The following GLI2 variants were observed in gnomAD, a reference collection of about 807,000 sequenced individuals.
The protein encoded by GLI2 is transcription activator GLI2.
A neutral mutation model predicts 78.9 loss-of-function variants in GLI2; 22 were observed. That is an observed-to-expected ratio of 0.28 (90% CI 0.20 to 0.40). The LOEUF (loss-of-function observed/expected upper bound fraction) is 0.40. Among genes scored for constraint, GLI2 ranks in the 10% least tolerant of loss-of-function variants. The pLI is 1.00. For synonymous variants in GLI2, 974 were observed against 963.7 expected (o/e 1.01, Z -0.20); for missense variants, 2,097 against 2,213.2 (o/e 0.95, Z 1.05).
chr2:120,983,946 G>GGGGGTGTGT (rs112474343), intron 11 of GLI2, among the ~76,000 whole-genome samples: 1 of 143,124 alleles, frequency 7.0e-6, no homozygotes, highest in African/African-American at 2.6e-5. Flanking sequence ...TGGTGTGTGG[G>GGGGGTGTGT]GTGTGTGTGT....
intron 13 of GLI2, 139 bp from the exon 14 acceptor site, chr2:120,988,069 A>G (rs1489952362): frequency 4.9e-5 from 34 of 692,366 alleles, no homozygotes; most frequent in Non-Finnish European, 7.3e-5. Context: ...AGAAAGAGAG[A>G]AAGAAAGCAT....
At position 120,988,797 on chromosome 2, in the gene GLI2, TC is replaced by T; in HGVS notation, c.2834del (p.Pro945GlnfsTer32). The T allele has an allele frequency of 1.4e-6, 2 of 1,385,862 alleles. No homozygotes were observed. The highest frequency in any genetic ancestry group is 3.5e-5 in the East Asian group (1 of 28,504). 85.8% of individuals were successfully genotyped at this position (1,385,862 alleles called of 1,614,324 possible). ...CTGCGCCCGCCTTCCCCCACGAGGCTCCAGGCGGCGGAGCCAGGCGGGCCAG... is the reference window on the plus strand; with the variant it reads ...CTGCGCCCGCCTTCCCCCACGAGGCTCAGGCGGCGGAGCCAGGCGGGCCAG... ...GAAPAFPHEA[P>X]GGGARRASDP... On this transcript the variant is annotated frameshift_variant, in exon 14 of 14. Coordinates refer to ENST00000361492, the MANE Select transcript of GLI2 (RefSeq NM_001374353.1). LOFTEE classifies it low-confidence loss of function (END_TRUNC).
At position 120,990,292 on chromosome 2, in the gene GLI2, C is replaced by T. The variant is rs368316217; in HGVS notation, c.4327C>T (p.Leu1443=). ...CCACATGTACGAACAGGATGGAGGC[C>T]TGGAGAACCTCGGGAGCTGCCAGGT... ...QIHMYEQDGG[L]ENLGSCQVMR... The change falls in exon 14 of 14, where the codon CTG becomes TTG. Residue 1443 remains leucine, a synonymous_variant. Coordinates refer to ENST00000361492, the MANE Select transcript of GLI2 (RefSeq NM_001374353.1). 1.2e-5 allele frequency: 19 copies of T among 1,613,632 alleles called. No individual in the cohort carries two copies. The African/African-American group carries it at 2.3e-4, about 19-fold the overall frequency.
Position 120,928,222 on chromosome 2 carries a change from G to A in GLI2, c.254+756G>A, listed in dbSNP as rs1012060681. On this transcript the variant is annotated intron_variant, in intron 3 of 13. Transcript: ENST00000361492. Reference sequence around the variant, plus strand: ...GTCAGCCAGCCCCAAGACCCCTCTCGACCCAGCATCTTCATGCCCACACCC... The same window carrying A: ...GTCAGCCAGCCCCAAGACCCCTCTCAACCCAGCATCTTCATGCCCACACCC... Among the ~76,000 whole-genome samples the A allele has an allele frequency of 7.9e-5, 12 of 152,048 alleles. No individual in the cohort carries two copies. In the South Asian group the frequency reaches 1.3e-3, roughly 16 times the overall value.
chr2:120,830,858 G>T (rs1197886064), intron 2 of GLI2, among the ~76,000 whole-genome samples: 1 of 151,776 alleles, frequency 6.6e-6, no homozygotes, highest in Non-Finnish European at 1.5e-5. Context: ...CTGTTTCTTT[G>T]TCTGTCCCTC....
chr2:120,747,013 T>C (rs1470817038), intron 1 of GLI2, among the ~76,000 whole-genome samples: 1 of 152,254 alleles, frequency 6.6e-6, no homozygotes, highest in Non-Finnish European at 1.5e-5. Flanking sequence ...CCATTGGGCA[T>C]TTAGACTGTT....
intron 2 of GLI2, among the ~76,000 whole-genome samples, chr2:120,912,933 G>A (rs1024888489): frequency 2.6e-5 from 4 of 152,166 alleles, no homozygotes; most frequent in East Asian, 1.9e-4. Context: ...GCGGGGCACC[G>A]GCCTCACCCA....
intron 1 of GLI2, among the ~76,000 whole-genome samples, chr2:120,778,816 C>T (rs1558791741): frequency 6.6e-6 from 1 of 152,220 alleles, no homozygotes; most frequent in East Asian, 1.9e-4. Context: ...CTTGCAAATA[C>T]AAGAGGCTTT....
At chr2:120,845,918 T>C (rs1397345242) in intron 2 of GLI2, among the ~76,000 whole-genome samples, 1 of 152,192 alleles carries the variant, frequency 6.6e-6, no homozygotes, top group Admixed American at 6.5e-5. Context: ...ACAACAACCC[T>C]TTCCAATTTA....
rs549465375 is a variant in GLI2 at position 120,956,557 on chromosome 2, A to G, written c.643+1127A>G. Among the ~76,000 whole-genome samples the G allele has an allele frequency of 5.3e-5, 8 of 152,220 alleles. No homozygotes were observed. In the South Asian group the frequency reaches 1.5e-3, roughly 28 times the overall value. The stretch of plus-strand genomic sequence containing the variant: ...CCCCAGTCAGCGCCACTCCGCCTGC[A>G]GGTCCTGGAGCCCTGGCCAGCGGCA... On this transcript the variant is annotated intron_variant, in intron 5 of 13. Coordinates refer to ENST00000361492, the MANE Select transcript of GLI2 (RefSeq NM_001374353.1).
At chr2:120,978,019 G>A (rs1426426960) in intron 9 of GLI2, among the ~76,000 whole-genome samples, 2 of 152,226 alleles carry the variant, frequency 1.3e-5, no homozygotes, top group South Asian at 4.1e-4. Flanking sequence ...GCCTCGCTGC[G>A]GTTAGTGCCT....
intron 2 of GLI2, among the ~76,000 whole-genome samples, chr2:120,805,770 C>T (rs6704584): frequency 0.022 from 3,323 of 152,280 alleles, 118 homozygotes; most frequent in African/African-American, 0.076. Flanking sequence ...ATTTTTCTGA[C>T]GTTTGGTTCT....
intron 2 of GLI2, among the ~76,000 whole-genome samples, chr2:120,858,772 G>A (rs1687773458): frequency 6.6e-6 from 1 of 152,230 alleles, no homozygotes; most frequent in African/African-American, 2.4e-5. Flanking sequence ...AGGGCCTGCA[G>A]TGCTGGGGGG....
intron 1 of GLI2, among the ~76,000 whole-genome samples, chr2:120,738,681 TAGAAAGAATTAGA>T (rs1682439808): frequency 6.6e-6 from 1 of 152,002 alleles, no homozygotes; most frequent in Non-Finnish European, 1.5e-5. Flanking sequence ...GAATTATAGG[TAGAAAGAATTAGA>T]ATGATAGTAG....
At chr2:120,939,563 C>T (rs557216124) in intron 3 of GLI2, among the ~76,000 whole-genome samples, 11 of 152,284 alleles carry the variant, frequency 7.2e-5, no homozygotes, top group Admixed American at 3.9e-4. Context: ...GGAATCATTG[C>T]AGAGGTATTC....
chr2:120,903,974 G>A (rs1573570996), intron 2 of GLI2, among the ~76,000 whole-genome samples: 1 of 152,122 alleles, frequency 6.6e-6, no homozygotes, highest in South Asian at 2.1e-4. Flanking sequence ...GATTGGGGAG[G>A]GGCAGGTGGG....
intron 2 of GLI2, among the ~76,000 whole-genome samples, chr2:120,917,779 G>A (rs1476214882): frequency 6.6e-6 from 1 of 152,230 alleles, no homozygotes. Flanking sequence ...CAAGGAGAGT[G>A]GGAGCCCTCC....
Position 120,900,182 on chromosome 2 carries a change from C to T in GLI2, c.149-27179C>T, listed in dbSNP as rs553362885. ...AGCTTGTTTGCAGCCCCCATTGCCT[C>T]TTGAATGGTGGATATCCTGGCTGCC... On this transcript the variant is annotated intron_variant, in intron 2 of 13. Coordinates refer to ENST00000361492, the MANE Select transcript of GLI2 (RefSeq NM_001374353.1). Among the ~76,000 whole-genome samples, 466 of 152,338 alleles carry T rather than the reference C, an allele frequency of 3.1e-3. 3 individuals carry two copies. The highest frequency in any genetic ancestry group is 0.011 in the African/African-American group (440 of 41,582).
intron 3 of GLI2, among the ~76,000 whole-genome samples, chr2:120,945,797 A>G (rs988363044): frequency 6.6e-6 from 1 of 152,122 alleles, no homozygotes; most frequent in African/African-American, 2.4e-5. Flanking sequence ...GCACATGCCT[A>G]TCTTTGAACC....
Sources: allele counts gnomAD v4.1 joint callset (sites outside exome capture counted in the v4.1 genomes callset), GRCh38; gene constraint gnomAD v4.1.1; transcripts MANE v1.5; gene names NCBI Gene and HGNC (gene_info 2026-07-23, HGNC 2026-07-21).